Variants in EXT1 observed in about 807,000 individuals in gnomAD.
The protein encoded by EXT1 is exostosin glycosyltransferase 1.
In EXT1, 20 loss-of-function variants were observed where a neutral mutation model predicts 82.5. The observed-to-expected ratio is 0.24, with a 90% CI of 0.17 to 0.35. The LOEUF (loss-of-function observed/expected upper bound fraction) is 0.35. Ranked by LOEUF, EXT1 falls within the 10% of genes least tolerant of loss-of-function variation. The pLI, the probability that EXT1 is intolerant of heterozygous loss-of-function variation, is 1.00. For synonymous variants in EXT1, 348 were observed against 350.8 expected (o/e 0.99, Z 0.09); for missense variants, 757 against 936.5 (o/e 0.81, Z 2.50).
chr8:118,067,156 G>C (rs28357312), intron 1 of EXT1, among the ~76,000 whole-genome samples: 1 of 152,204 alleles, frequency 6.6e-6, no homozygotes, highest in Non-Finnish European at 1.5e-5. Flanking sequence ...ATGACACTGG[G>C]AGACTCTCAA....
At chr8:118,052,609 A>C (rs183514598) in intron 1 of EXT1, among the ~76,000 whole-genome samples, 5 of 152,324 alleles carry the variant, frequency 3.3e-5, no homozygotes, top group African/African-American at 1.2e-4. Flanking sequence ...GAGGTAAAAA[A>C]ACAAACAAAT....
chr8:117,854,884 T>C (rs1340383217), intron 1 of EXT1, among the ~76,000 whole-genome samples: 1 of 149,626 alleles, frequency 6.7e-6, no homozygotes, highest in Non-Finnish European at 1.5e-5. Context: ...TTCACTTGCA[T>C]TTTTTTTACC....
intron 1 of EXT1, among the ~76,000 whole-genome samples, chr8:117,839,335 T>C (rs1417297556): frequency 2.0e-5 from 3 of 152,208 alleles, no homozygotes; most frequent in Non-Finnish European, 2.9e-5. Context: ...GATTACTCTT[T>C]ATCTTATCAT....
At chr8:118,064,747 T>G (rs1816946177) in intron 1 of EXT1, among the ~76,000 whole-genome samples, 1 of 152,150 alleles carries the variant, frequency 6.6e-6, no homozygotes, top group Non-Finnish European at 1.5e-5. Context: ...CCTTGAAGAA[T>G]CGCCACACTG....
rs112280615 is a variant in EXT1, at chr8:117,817,868, G to C, written c.1632+567C>G. ...AGGCCGGGAGATGATCAGAAAGATA[G>C]TTCAGCTCTAGGCAAAGTGAACTGG... On this transcript the variant is annotated intron_variant, in intron 7 of 10. Coordinates refer to ENST00000378204, the MANE Select transcript of EXT1 (RefSeq NM_000127.3). Among the ~76,000 whole-genome samples the C allele has an allele frequency of 1.8e-4, 27 of 152,330 alleles. No individual in the cohort carries two copies. In the South Asian group the frequency reaches 2.1e-3, roughly 12 times the overall value.
intron 5 of EXT1, among the ~76,000 whole-genome samples, chr8:117,821,961 C>A (rs1357540152): frequency 6.6e-6 from 1 of 152,142 alleles, no homozygotes; most frequent in East Asian, 1.9e-4. Flanking sequence ...ATTTCTAGTA[C>A]CCAGCAATAC....
At chr8:117,967,009 A>G (rs1444184962) in intron 1 of EXT1, among the ~76,000 whole-genome samples, 1 of 152,178 alleles carries the variant, frequency 6.6e-6, no homozygotes, top group Non-Finnish European at 1.5e-5. Flanking sequence ...GTTTTAAACA[A>G]ACCCTCAACC....
intron 1 of EXT1, among the ~76,000 whole-genome samples, chr8:117,938,031 T>C (rs188640181): frequency 6.6e-6 from 1 of 152,308 alleles, no homozygotes; most frequent in East Asian, 1.9e-4. Flanking sequence ...CAATAGGAAA[T>C]ATCTCATTTG....
At chr8:117,905,944 T>C (rs1813536524) in intron 1 of EXT1, among the ~76,000 whole-genome samples, 3 of 152,266 alleles carry the variant, frequency 2.0e-5, no homozygotes, top group Admixed American at 2.0e-4. Context: ...CTCCGCTTGC[T>C]GATGGCTCCC....
chr8:117,946,134 G>T (rs981200324), intron 1 of EXT1, among the ~76,000 whole-genome samples: 2 of 152,118 alleles, frequency 1.3e-5, no homozygotes, highest in Non-Finnish European at 2.9e-5. Flanking sequence ...TCTGACCTCA[G>T]GTAATCTGCC....
At chr8:117,831,601 CTT>C in intron 3 of EXT1, 1 of 471,170 alleles carries the variant, frequency 2.1e-6, no homozygotes, top group South Asian at 1.5e-5. Flanking sequence ...GTGCTCACCT[CTT>C]TCTGCATGCT....
chr8:118,007,347 A>G (rs1443885587), intron 1 of EXT1, among the ~76,000 whole-genome samples: 1 of 152,130 alleles, frequency 6.6e-6, no homozygotes, highest in Non-Finnish European at 1.5e-5. Flanking sequence ...ATGCCTACAG[A>G]CAGGTTACAT....
intron 1 of EXT1, among the ~76,000 whole-genome samples, chr8:117,967,072 A>C (rs1284810855): frequency 6.6e-6 from 1 of 152,236 alleles, no homozygotes; most frequent in African/African-American, 2.4e-5. Flanking sequence ...TGGCAATGAT[A>C]ATTAACACAT....
chr8:117,909,593 GAGA>G (rs1813607341), intron 1 of EXT1, among the ~76,000 whole-genome samples: 1 of 152,116 alleles, frequency 6.6e-6, no homozygotes, highest in African/African-American at 2.4e-5. Context: ...AGGGTTCCTT[GAGA>G]AGGAGGGCCC....
intron 1 of EXT1, among the ~76,000 whole-genome samples, chr8:117,976,663 T>C (rs1815071628): frequency 6.6e-6 from 1 of 152,264 alleles, no homozygotes; most frequent in Admixed American, 6.5e-5. Flanking sequence ...TACATGGGTA[T>C]AGACATACAC....
chr8:118,033,995 A>G (rs1231430387), intron 1 of EXT1, among the ~76,000 whole-genome samples: 1 of 152,222 alleles, frequency 6.6e-6, no homozygotes, highest in Non-Finnish European at 1.5e-5. Context: ...AAGGCAAACT[A>G]AGAATAAAAA....
At chr8:118,033,972 T>C (rs995453288) in intron 1 of EXT1, among the ~76,000 whole-genome samples, 4 of 152,158 alleles carry the variant, frequency 2.6e-5, no homozygotes, top group African/African-American at 9.7e-5. Flanking sequence ...AGCTAAGGAT[T>C]AATTTGGAAT....
intron 1 of EXT1, among the ~76,000 whole-genome samples, chr8:118,021,393 T>G (rs1265915322): frequency 1.3e-5 from 2 of 152,232 alleles, no homozygotes; most frequent in Non-Finnish European, 2.9e-5. Context: ...ATGTTTTTAA[T>G]CTCTCTTTTG....
intron 1 of EXT1, among the ~76,000 whole-genome samples, chr8:117,910,566 A>G (rs1365921721): frequency 1.3e-5 from 2 of 152,220 alleles, no homozygotes; most frequent in African/African-American, 4.8e-5. Context: ...AGCCAGAGAG[A>G]AAATCATGAA....
Sources: allele counts gnomAD v4.1 joint callset (sites outside exome capture counted in the v4.1 genomes callset), GRCh38; gene constraint gnomAD v4.1.1; transcripts MANE v1.5; gene names NCBI Gene and HGNC (gene_info 2026-07-23, HGNC 2026-07-21).